The following PPP2R2B variants were observed in gnomAD, a reference collection of about 807,000 sequenced individuals.
PPP2R2B encodes serine/threonine-protein phosphatase 2A 55 kDa regulatory subunit B beta isoform.
PPP2R2B carries 5 observed loss-of-function variants against 46.0 expected under a neutral mutation model. The observed-to-expected ratio is 0.11, with a 90% CI of 0.06 to 0.23. PPP2R2B has a LOEUF of 0.23. Ranked by LOEUF, PPP2R2B falls within the 10% of genes least tolerant of loss-of-function variation. The probability of loss-of-function intolerance (pLI) is 1.00; values close to 1 mark genes in which losing one functional copy is unlikely to be tolerated. For missense variants in PPP2R2B, 367 were observed against 575.0 expected (o/e 0.64, Z 3.70); for synonymous variants, 215 against 206.7 (o/e 1.04, Z -0.34).
At chr5:146,829,459 CA>C (rs1371080514) in intron 2 of PPP2R2B, among the ~76,000 whole-genome samples, 7 of 152,056 alleles carry the variant, frequency 4.6e-5, no homozygotes, top group Admixed American at 4.6e-4. Flanking sequence ...GTTTCATTTG[CA>C]ACATGAGTAA....
At chr5:146,936,337 A>G (rs1448851937) in intron 1 of PPP2R2B, among the ~76,000 whole-genome samples, 2 of 152,098 alleles carry the variant, frequency 1.3e-5, no homozygotes, top group Admixed American at 6.6e-5. Context: ...GCCTAAGAAG[A>G]TGCCTAAATG....
At chr5:147,064,002 C>CTGT (rs1221381325) in intron 2 of PPP2R2B, among the ~76,000 whole-genome samples, 1 of 152,126 alleles carries the variant, frequency 6.6e-6, no homozygotes, top group Non-Finnish European at 1.5e-5. Context: ...AATGTTGTAC[C>CTGT]TGTTGTTCTT....
chr5:146,815,753 A>T (rs1287177629), intron 2 of PPP2R2B, among the ~76,000 whole-genome samples: 1 of 152,224 alleles, frequency 6.6e-6, no homozygotes, highest in East Asian at 1.9e-4. Flanking sequence ...GAATCTGAAT[A>T]GTCTCAATTA....
rs1582341436 is a variant in PPP2R2B at position 146,878,328 on chromosome 5, C to T, written c.-124-133G>A. ...GTGCGCTCACTCCAGCTCCAGTTCC[C>T]AGCGAGGATGCTGCGCCTGCCTCCG... is the stretch of plus-strand genomic sequence containing the variant. On this transcript the variant is annotated intron_variant, in intron 1 of 9. Coordinates refer to ENST00000394411, the MANE Select transcript of PPP2R2B (RefSeq NM_181675.4). This position sits in a 1 kb window ranked among gnomAD's most constrained non-coding sequence, Gnocchi z 4.5. 10 of 1,437,650 alleles carry T rather than the reference C, an allele frequency of 7.0e-6. No homozygotes were observed. The East Asian group carries it at 2.5e-4, about 36-fold the overall frequency. 89.1% of individuals were successfully genotyped at this position (1,437,650 alleles called of 1,614,324 possible).
chr5:146,664,909 T>C (rs1776886055), intron 5 of PPP2R2B, among the ~76,000 whole-genome samples: 1 of 152,164 alleles, frequency 6.6e-6, no homozygotes, highest in Non-Finnish European at 1.5e-5. Flanking sequence ...CTAGGTGCAT[T>C]GTCAATGAGC....
chr5:146,750,156 C>T (rs1753466656), intron 2 of PPP2R2B, among the ~76,000 whole-genome samples: 1 of 152,132 alleles, frequency 6.6e-6, no homozygotes, highest in Non-Finnish European at 1.5e-5. Flanking sequence ...TTGATCTATG[C>T]CTCTATCTGT....
At chr5:146,889,689 C>A (rs1762436250) in intron 1 of PPP2R2B, among the ~76,000 whole-genome samples, 1 of 152,236 alleles carries the variant, frequency 6.6e-6, no homozygotes, top group Non-Finnish European at 1.5e-5. Flanking sequence ...TAAGTCATAA[C>A]CTTGAGTATA....
At chr5:146,872,503 A>G (rs146134401) in intron 2 of PPP2R2B, among the ~76,000 whole-genome samples, 21 of 152,286 alleles carry the variant, frequency 1.4e-4, no homozygotes, top group Middle Eastern at 3.4e-3. Flanking sequence ...CCTTCCCAGC[A>G]TCTTCATATC....
At chr5:146,728,484 C>T (rs906464493) in intron 2 of PPP2R2B, among the ~76,000 whole-genome samples, 4 of 152,012 alleles carry the variant, frequency 2.6e-5, no homozygotes, top group Non-Finnish European at 2.9e-5. Flanking sequence ...AACAGATCTC[C>T]GTGGGACTGC....
At chr5:146,800,164 G>A (rs1211154667) in intron 2 of PPP2R2B, among the ~76,000 whole-genome samples, 1 of 152,036 alleles carries the variant, frequency 6.6e-6, no homozygotes, top group South Asian at 2.1e-4. Flanking sequence ...TTGATAATTG[G>A]AAATGAGAGG....
In PPP2R2B at chr5:146,609,983, G is replaced by A. The variant is rs1198033337; in HGVS notation, c.791-9523C>T. ...AAAGCAGCCGGGAAGCTCGAACTGGGTGGAGCCCACCACAGCTCAAGGAGG... is the reference window on the plus strand; with the variant it reads ...AAAGCAGCCGGGAAGCTCGAACTGGATGGAGCCCACCACAGCTCAAGGAGG... On this transcript the variant is annotated intron_variant, in intron 7 of 9. Transcript: ENST00000394411. 2.1e-5 allele frequency among the ~76,000 whole-genome samples: 3 copies of A among 141,970 alleles called. 1 individual carries two copies. Among genetic ancestry groups the A allele is most frequent in the Admixed American group, 1.4e-4 (2 of 14,188 alleles). 93.1% of individuals were successfully genotyped at this position (141,970 alleles called of 152,430 possible). A position where few individuals can be genotyped will look rare whatever the true frequency, so the allele number is the denominator to read the frequency against.
chr5:146,863,700 G>C lies in PPP2R2B; in HGVS notation c.70+14302C>G, dbSNP rs569219371. On this transcript the variant is annotated intron_variant, in intron 2 of 9. Coordinates refer to ENST00000394411, the MANE Select transcript of PPP2R2B (RefSeq NM_181675.4). ...TCCATCCATCCTTTAAATTTTATGT[G>C]CTTATCCTGCGTATAATTTTTAAAA... Among the ~76,000 whole-genome samples the C allele has an allele frequency of 2.9e-4, 44 of 151,558 alleles. 1 individual carries two copies. Among genetic ancestry groups the C allele is most frequent in the African/African-American group, 9.5e-4 (39 of 41,254 alleles).
At chr5:146,651,660 C>A (rs1419823305) in intron 5 of PPP2R2B, among the ~76,000 whole-genome samples, 3 of 152,140 alleles carry the variant, frequency 2.0e-5, no homozygotes, top group Non-Finnish European at 4.4e-5. Flanking sequence ...CAAAACCCCA[C>A]AACACAGGTG....
intron 6 of PPP2R2B, among the ~76,000 whole-genome samples, chr5:146,649,845 A>C: frequency 6.6e-6 from 1 of 152,168 alleles, no homozygotes; most frequent in East Asian, 1.9e-4. Context: ...TTATTAATAT[A>C]AAGAGGCATG....
chr5:146,780,958 A>G (rs527928108), intron 2 of PPP2R2B, among the ~76,000 whole-genome samples: 3 of 151,878 alleles, frequency 2.0e-5, no homozygotes, highest in African/African-American at 4.8e-5. Flanking sequence ...GTAAAGATAC[A>G]GTTTTCAGTG....
chr5:146,736,465 C>T (rs182401931), intron 2 of PPP2R2B, among the ~76,000 whole-genome samples: 16 of 152,206 alleles, frequency 1.1e-4, no homozygotes, highest in Admixed American at 8.5e-4. Context: ...AACTGAGGCC[C>T]GGAGAGATAA....
chr5:146,646,895 T>C (rs1775618429), intron 6 of PPP2R2B, among the ~76,000 whole-genome samples: 1 of 152,134 alleles, frequency 6.6e-6, no homozygotes, highest in African/African-American at 2.4e-5. Context: ...CCTCTCGTGA[T>C]AGAGCTGCTT....
intron 1 of PPP2R2B, among the ~76,000 whole-genome samples, chr5:147,032,366 A>G (rs1333796298): frequency 2.0e-5 from 3 of 152,228 alleles, no homozygotes; most frequent in Non-Finnish European, 2.9e-5. Context: ...TACTCCTGTA[A>G]GAATGGCACT....
At chr5:146,693,271 T>C (rs566896960) in intron 4 of PPP2R2B, among the ~76,000 whole-genome samples, 2 of 152,048 alleles carry the variant, frequency 1.3e-5, no homozygotes, top group East Asian at 1.9e-4. Context: ...CTGGAGTGCA[T>C]TGGCGAGATC....
Sources: allele counts gnomAD v4.1 joint callset (sites outside exome capture counted in the v4.1 genomes callset), GRCh38; gene constraint gnomAD v4.1.1; non-coding constraint Gnocchi (gnomAD v3.1); transcripts MANE v1.5; gene names NCBI Gene and HGNC (gene_info 2026-07-23, HGNC 2026-07-21).